MUCL1: variants seen among roughly 807,000 people sequenced by gnomAD.
MUCL1 encodes the protein mucin like 1.
In MUCL1, 11 loss-of-function variants were observed where a neutral mutation model predicts 9.2. The ratio of observed to expected loss-of-function variants is 1.19; its 90% confidence interval spans 0.75 to 1.97. The LOEUF is 1.97. Ranked by LOEUF, MUCL1 falls within the 30% of genes most tolerant of loss-of-function variation. The pLI is 0.00. For synonymous variants in MUCL1, 48 were observed against 40.5 expected, an observed-to-expected ratio of 1.19 and a Z score of -0.71; for missense variants, 144 against 110.9, an observed-to-expected ratio of 1.30 and a Z score of -1.34.
chr12:54,843,683 G>A (rs7956890), intron 1 of MUCL1, among the ~76,000 whole-genome samples: 4,691 of 152,228 alleles, frequency 0.031, 254 homozygotes, highest in African/African-American at 0.11. Flanking sequence ...CTGCCTCTGA[G>A]CTTAGAAAGG....
chr12:54,853,872 G>T (rs571268823), upstream of MUCL1, among the ~76,000 whole-genome samples: 8 of 152,254 alleles, frequency 5.3e-5, no homozygotes, highest in Admixed American at 5.2e-4. Context: ...TTGATTAAAT[G>T]GATGCATGAA....
At chr12:54,854,370 T>C (rs1868281478), upstream of MUCL1, 1 of 536,564 alleles carries the variant, frequency 1.9e-6, no homozygotes, top group African/African-American at 1.9e-5. Context: ...ATTCACAACC[T>C]TTCCAAAGGG....
upstream of MUCL1, among the ~76,000 whole-genome samples, chr12:54,836,256 T>C (rs1404042190): frequency 1.3e-5 from 2 of 152,214 alleles, no homozygotes; most frequent in African/African-American, 4.8e-5. Context: ...AAATTACTAA[T>C]TCAGTCTAAT....
At chr12:54,849,769 C>G (rs1403510361), upstream of MUCL1, among the ~76,000 whole-genome samples, 6 of 152,086 alleles carry the variant, frequency 3.9e-5, no homozygotes, top group East Asian at 1.2e-3. Context: ...ATTTTATATA[C>G]TCACATATGA....
At position 54,856,896 on chromosome 12, in the gene MUCL1, G is replaced by A. The variant is rs149677659; in HGVS notation, c.223+4G>A. ...ACTGCTCGTAAAGACATTCCAGGTA[G>A]CAAGACTCCTCCATCTGTGTGCTTC... On this transcript the variant is annotated splice_donor_region_variant and intron_variant, in intron 3 of 3. Transcript: ENST00000308796. 161 of 1,613,630 alleles carry A rather than the reference G, an allele frequency of 1.0e-4. No individual in the cohort carries two copies. The African/African-American group carries it at 1.6e-3, about 16-fold the overall frequency.
At chr12:54,853,786 C>T (rs773115300), upstream of MUCL1, among the ~76,000 whole-genome samples, 16 of 151,972 alleles carry the variant, frequency 1.1e-4, no homozygotes, top group Non-Finnish European at 1.9e-4. Context: ...GTGCTTTGTT[C>T]GCTGTTATTT....
At chr12:54,834,498 T>A (rs1404885008), upstream of MUCL1, among the ~76,000 whole-genome samples, 2 of 152,070 alleles carry the variant, frequency 1.3e-5, no homozygotes, top group African/African-American at 4.8e-5. Flanking sequence ...TCTTTAAAGT[T>A]TTGTATATTT....
At chr12:54,836,334 T>C (rs551094228), upstream of MUCL1, among the ~76,000 whole-genome samples, 12 of 152,334 alleles carry the variant, frequency 7.9e-5, no homozygotes, top group Non-Finnish European at 1.3e-4. Flanking sequence ...GGGTTGTATG[T>C]TTCTAGAAAT....
chr12:54,837,657 T>C (rs560918074), upstream of MUCL1, among the ~76,000 whole-genome samples: 143 of 152,212 alleles, frequency 9.4e-4, no homozygotes, highest in Non-Finnish European at 1.6e-3. Context: ...TAGTCCCAGC[T>C]ACTCGGGAGG....
intron 1 of MUCL1, 102 bp downstream of exon 1, chr12:54,854,742 C>A: frequency 1.0e-6 from 1 of 999,314 alleles, no homozygotes; most frequent in Non-Finnish European, 1.5e-6. Context: ...TGCTTTTTTA[C>A]CTCTCCTAAC....
chr12:54,842,717 T>C (rs1274477886), intron 1 of MUCL1, among the ~76,000 whole-genome samples: 1 of 152,208 alleles, frequency 6.6e-6, no homozygotes, highest in Non-Finnish European at 1.5e-5. Flanking sequence ...GTTTTAGACG[T>C]TCTATGAATA....
At chr12:54,843,026 G>A (rs375740157) in intron 1 of MUCL1, among the ~76,000 whole-genome samples, 1 of 152,116 alleles carries the variant, frequency 6.6e-6, no homozygotes, top group African/African-American at 2.4e-5. Context: ...TGCTGTACAG[G>A]TTTGCAGCCT....
chr12:54,838,774 T>G (rs1046113318), upstream of MUCL1, among the ~76,000 whole-genome samples: 18 of 152,166 alleles, frequency 1.2e-4, no homozygotes, highest in African/African-American at 4.1e-4. Context: ...GAAGTTCTGA[T>G]TCGTTTTTCT....
intron 1 of MUCL1, among the ~76,000 whole-genome samples, chr12:54,842,784 C>T (rs915408897): frequency 2.6e-5 from 4 of 152,030 alleles, no homozygotes; most frequent in Non-Finnish European, 5.9e-5. Flanking sequence ...TTCATCTTTT[C>T]TTTTTTTCTA....
upstream of MUCL1, among the ~76,000 whole-genome samples, chr12:54,850,436 G>T (rs181108430): frequency 4.6e-5 from 7 of 151,444 alleles, no homozygotes; most frequent in Non-Finnish European, 8.8e-5. Context: ...TGCGATGGTT[G>T]GCTGAGAATG....
chr12:54,838,416 C>T (rs900608770), upstream of MUCL1, among the ~76,000 whole-genome samples: 5 of 152,118 alleles, frequency 3.3e-5, no homozygotes, highest in Non-Finnish European at 7.4e-5. Context: ...TTGGTAATGT[C>T]TTTTTGTCAT....
At chr12:54,840,781 A>G (rs1356342682) in intron 1 of MUCL1, among the ~76,000 whole-genome samples, 1 of 152,158 alleles carries the variant, frequency 6.6e-6, no homozygotes, top group Middle Eastern at 3.2e-3. Flanking sequence ...CACACAAAAG[A>G]ATCCACATGG....
chr12:54,839,214 A>T (rs1254577024), upstream of MUCL1, among the ~76,000 whole-genome samples: 2 of 152,004 alleles, frequency 1.3e-5, no homozygotes, highest in Non-Finnish European at 2.9e-5. Flanking sequence ...GGTTATAGAG[A>T]GTCTTTGTAT....
chr12:54,854,686 A>G lies in MUCL1; in HGVS notation c.58+46A>G, dbSNP rs375678577. The G allele has an allele frequency of 3.3e-5, 50 of 1,520,848 alleles. No homozygotes were observed. In the African/African-American group the frequency reaches 6.2e-4, roughly 19 times the overall value. The allele number at this position is 1,520,848 out of a possible 1,614,324, so 94.2% of individuals were successfully genotyped here. A position where few individuals can be genotyped will look rare whatever the true frequency, so the allele number is the denominator to read the frequency against. On this transcript the variant is annotated intron_variant, in intron 1 of 3. Transcript: ENST00000308796. Reference sequence around the variant, plus strand: ...GAACATAAGTTTTGTGGGAATATACATAAAATATCTCCTCTAAAGATGTGG... The same window carrying G: ...GAACATAAGTTTTGTGGGAATATACGTAAAATATCTCCTCTAAAGATGTGG...
Sources: gnomAD v4.1 joint callset for allele counts (sites outside exome capture counted in the v4.1 genomes callset) on GRCh38, gnomAD v4.1.1 for gene constraint, MANE v1.5 for transcripts, NCBI Gene and HGNC (gene_info 2026-07-23, HGNC 2026-07-21) for gene names.